Variants in ARHGEF4 observed in about 807,000 individuals in gnomAD.
ARHGEF4 encodes Rho guanine nucleotide exchange factor 4, also known as APC-stimulated guanine nucleotide exchange factor 1.
In ARHGEF4, 119 loss-of-function variants were observed where a neutral mutation model predicts 162.0. That is an observed-to-expected ratio of 0.73 (90% CI 0.63 to 0.86). ARHGEF4 has a LOEUF of 0.86. Among genes scored for constraint, ARHGEF4 ranks in the 40% least tolerant of loss-of-function variants. The pLI is 0.00. For missense variants in ARHGEF4, 2,488 were observed against 2,456.0 expected, an observed-to-expected ratio of 1.01 and a Z score of -0.28; for synonymous variants, 1,014 against 979.9, an observed-to-expected ratio of 1.03 and a Z score of -0.65.
At chr2:130,960,388 C>A (rs1684559608) in intron 4 of ARHGEF4, among the ~76,000 whole-genome samples, 1 of 152,058 alleles carries the variant, frequency 6.6e-6, no homozygotes, top group Non-Finnish European at 1.5e-5. Flanking sequence ...GTGTTATCAC[C>A]CTACAGTATT....
At chr2:130,979,484 C>T in intron 4 of ARHGEF4, among the ~76,000 whole-genome samples, 1 of 151,984 alleles carries the variant, frequency 6.6e-6, no homozygotes, top group East Asian at 1.9e-4. Flanking sequence ...GCCTGTAATC[C>T]CAGCACTTTG....
intron 4 of ARHGEF4, chr2:131,011,660 C>T (rs1186982434): frequency 1.3e-6 from 2 of 1,535,458 alleles, no homozygotes; most frequent in African/African-American, 2.7e-5. Flanking sequence ...GTCAAGAGCC[C>T]ATCGGAGCTG....
intron 3 of ARHGEF4, among the ~76,000 whole-genome samples, chr2:130,933,118 G>C (rs1682732208): frequency 6.6e-6 from 1 of 152,046 alleles, no homozygotes; most frequent in Non-Finnish European, 1.5e-5. Context: ...GGGAGGTTGA[G>C]GTGGGAGAAT....
chr2:130,856,031 T>C (rs1356290361), intron 1 of ARHGEF4, among the ~76,000 whole-genome samples: 2 of 152,214 alleles, frequency 1.3e-5, no homozygotes, highest in Non-Finnish European at 2.9e-5. Context: ...TAGAAATATC[T>C]TTTTGAAGGG....
intron 1 of ARHGEF4, among the ~76,000 whole-genome samples, chr2:130,865,768 A>G (rs1210682519): frequency 1.3e-5 from 2 of 152,050 alleles, no homozygotes; most frequent in East Asian, 3.9e-4. Flanking sequence ...TTGGGGTCAA[A>G]CAAGCTCAGT....
At chr2:130,976,746 G>T (rs1187107997) in intron 4 of ARHGEF4, among the ~76,000 whole-genome samples, 1 of 152,234 alleles carries the variant, frequency 6.6e-6, no homozygotes, top group Non-Finnish European at 1.5e-5. Flanking sequence ...GGCAGGTGCT[G>T]GCTCCCGCAG....
At chr2:130,857,333 T>C (rs1296512037) in intron 1 of ARHGEF4, among the ~76,000 whole-genome samples, 2 of 129,224 alleles carry the variant, frequency 1.5e-5, no homozygotes, top group African/African-American at 3.0e-5. Flanking sequence ...AAGCAGTGTA[T>C]TGATCTGTTT....
intron 1 of ARHGEF4, among the ~76,000 whole-genome samples, chr2:130,907,739 G>T (rs917307408): frequency 1.3e-4 from 19 of 151,704 alleles, no homozygotes; most frequent in Non-Finnish European, 2.5e-4. Context: ...AGATCACGAA[G>T]TCAGGAGATC....
chr2:130,998,777 A>T (rs1233819189), intron 4 of ARHGEF4, among the ~76,000 whole-genome samples: 2 of 152,234 alleles, frequency 1.3e-5, no homozygotes, highest in Non-Finnish European at 2.9e-5. Flanking sequence ...TGCTATAAAC[A>T]TTTGTGTACA....
intron 1 of ARHGEF4, among the ~76,000 whole-genome samples, chr2:130,873,261 C>G (rs1678605694): frequency 6.6e-6 from 1 of 152,158 alleles, no homozygotes; most frequent in Admixed American, 6.5e-5. Flanking sequence ...AAAGGTTCAA[C>G]AAATACTGTC....
At chr2:130,912,032 C>G (rs576049160) in intron 1 of ARHGEF4, among the ~76,000 whole-genome samples, 1 of 152,196 alleles carries the variant, frequency 6.6e-6, no homozygotes, top group Non-Finnish European at 1.5e-5. Context: ...GTGTCTAAGA[C>G]GGGTTGGTGA....
At chr2:131,041,129 T>C in intron 8 of ARHGEF4, 101 bp from the exon 9 acceptor site, 1 of 1,150,844 alleles carries the variant, frequency 8.7e-7, no homozygotes, top group Non-Finnish European at 1.3e-6. Flanking sequence ...CCAGCCCAGC[T>C]CCTGAAGGAA....
intron 5 of ARHGEF4, among the ~76,000 whole-genome samples, chr2:131,034,481 C>T (rs531745013): frequency 6.6e-6 from 1 of 152,224 alleles, no homozygotes; most frequent in East Asian, 1.9e-4. Context: ...GAAGAGGGGC[C>T]CCTCAGGGTG....
intron 4 of ARHGEF4, among the ~76,000 whole-genome samples, chr2:130,977,158 G>A (rs1172612356): frequency 6.6e-6 from 1 of 151,526 alleles, no homozygotes; most frequent in African/African-American, 2.4e-5. Flanking sequence ...TGTGTAGCGT[G>A]TTGTGCTTCT....
At chr2:130,909,053 C>T (rs1681014422) in intron 1 of ARHGEF4, among the ~76,000 whole-genome samples, 2 of 152,152 alleles carry the variant, frequency 1.3e-5, no homozygotes, top group African/African-American at 4.8e-5. Flanking sequence ...GGTTGTGGAG[C>T]AGCAGGACCT....
At chr2:130,884,477 A>G (rs751984096) in intron 1 of ARHGEF4, among the ~76,000 whole-genome samples, 4 of 152,066 alleles carry the variant, frequency 2.6e-5, no homozygotes, top group African/African-American at 4.8e-5. Context: ...GATGATTATA[A>G]TGCCTATCTC....
intron 2 of ARHGEF4, among the ~76,000 whole-genome samples, chr2:130,922,120 A>C (rs1170130695): frequency 6.6e-6 from 1 of 151,994 alleles, no homozygotes; most frequent in Non-Finnish European, 1.5e-5. Context: ...CTGTAATCTC[A>C]GCACTTTGGG....
rs375430970 is a variant in ARHGEF4 at position 130,995,305 on chromosome 2, A to G, written c.3986-32640A>G. Among the ~76,000 whole-genome samples the G allele has an allele frequency of 1.1e-4, 16 of 152,294 alleles. No homozygotes were observed. The East Asian group carries it at 2.7e-3, about 26-fold the overall frequency. ...AGCTGTACCTAATATGTTGTTAAACATATTCATTGAGTTTGTTTCCAGTTA... is the reference window on the plus strand; with the variant it reads ...AGCTGTACCTAATATGTTGTTAAACGTATTCATTGAGTTTGTTTCCAGTTA... On this transcript the variant is annotated intron_variant, in intron 4 of 13. Transcript: ENST00000409359.
chr2:131,022,232 A>G (rs1166120533), intron 4 of ARHGEF4, among the ~76,000 whole-genome samples: 2 of 152,166 alleles, frequency 1.3e-5, no homozygotes, highest in African/African-American at 4.8e-5. Context: ...GGTGTTGATT[A>G]TACTTTAAAT....
Sources: allele counts gnomAD v4.1 joint callset (sites outside exome capture counted in the v4.1 genomes callset), GRCh38; gene constraint gnomAD v4.1.1; transcripts MANE v1.5; gene names NCBI Gene and HGNC (gene_info 2026-07-23, HGNC 2026-07-21).